The following AUH variants were observed in gnomAD, a reference collection of about 807,000 sequenced individuals.
AUH encodes the protein methylglutaconyl-CoA hydratase, mitochondrial.
In AUH, 29 loss-of-function variants were observed where a neutral mutation model predicts 42.3. The observed-to-expected ratio is 0.69, with a 90% confidence interval of 0.51 to 0.93. AUH has a LOEUF of 0.93. AUH is among the 40% of genes least tolerant of loss of function. The pLI, the probability that AUH is intolerant of heterozygous loss-of-function variation, is 0.00. For synonymous variants in AUH, 174 were observed against 166.4 expected (o/e 1.05, Z -0.35); for missense variants, 452 against 438.1 (o/e 1.03, Z -0.28).
At chr9:91,232,075 A>G (rs1453638063) in intron 6 of AUH, among the ~76,000 whole-genome samples, 2 of 152,208 alleles carry the variant, frequency 1.3e-5, no homozygotes, top group Non-Finnish European at 2.9e-5. Flanking sequence ...TCTTTCTACA[A>G]TGTTTACATA....
At chr9:91,342,768 C>T (rs1168964796) in intron 3 of AUH, 1 of 152,164 alleles carries the variant, frequency 6.6e-6, no homozygotes, top group African/African-American at 2.4e-5. Flanking sequence ...CTCTGACGTG[C>T]TCAAATGAAA....
intron 6 of AUH, among the ~76,000 whole-genome samples, chr9:91,271,552 G>A (rs143775106): frequency 0.012 from 1,821 of 152,320 alleles, 21 homozygotes; most frequent in Admixed American, 0.016. Context: ...AGTAAAAAAT[G>A]TAAGTGAGGA....
chr9:91,281,257 T>C lies in AUH; in HGVS notation c.655+14764A>G, dbSNP rs367626841. The stretch of plus-strand genomic sequence containing the variant: ...GACTGAATAATAATTTCTATTGCTC[T>C]ATCTTCAGATTCACTCACTCTCTCT... On this transcript the variant is annotated intron_variant, in intron 6 of 9. Transcript: ENST00000375731. 1.1e-3 allele frequency among the ~76,000 whole-genome samples: 170 copies of C among 152,372 alleles called. 6 individuals are homozygous for C. The South Asian group carries it at 0.034, about 30-fold the overall frequency.
At chr9:91,295,126 C>A (rs1009140125) in intron 6 of AUH, among the ~76,000 whole-genome samples, 4 of 152,282 alleles carry the variant, frequency 2.6e-5, no homozygotes, top group African/African-American at 9.6e-5. Context: ...TTCATTCTCT[C>A]TGGACTGCCT....
intron 6 of AUH, among the ~76,000 whole-genome samples, chr9:91,249,375 G>A (rs1467151086): frequency 1.3e-5 from 2 of 150,380 alleles, no homozygotes; most frequent in Admixed American, 6.6e-5. Context: ...GGGGGTTTGG[G>A]GAACACTGGA....
chr9:91,316,449 A>G (rs895494420), intron 4 of AUH, among the ~76,000 whole-genome samples: 6 of 152,226 alleles, frequency 3.9e-5, no homozygotes, highest in South Asian at 2.1e-4. Context: ...TTGAAAGACA[A>G]TATCAAATAC....
At chr9:91,324,212 T>C (rs1187170693) in intron 4 of AUH, among the ~76,000 whole-genome samples, 1 of 152,078 alleles carries the variant, frequency 6.6e-6, no homozygotes, top group East Asian at 1.9e-4. Context: ...AATTTACAAA[T>C]GAAGAAAAGG....
At chr9:91,246,712 C>T (rs1352665344) in intron 6 of AUH, among the ~76,000 whole-genome samples, 1 of 152,198 alleles carries the variant, frequency 6.6e-6, no homozygotes, top group Non-Finnish European at 1.5e-5. Context: ...GGTATATGCA[C>T]ACAATGAAGT....
At chr9:91,335,712 T>C (rs1830641802) in intron 3 of AUH, among the ~76,000 whole-genome samples, 2 of 152,256 alleles carry the variant, frequency 1.3e-5, no homozygotes, top group Non-Finnish European at 2.9e-5. Flanking sequence ...TAGCATTTAG[T>C]TCTGAATGCT....
intron 7 of AUH, among the ~76,000 whole-genome samples, chr9:91,219,974 T>C (rs1827039393): frequency 6.6e-6 from 1 of 152,208 alleles, no homozygotes; most frequent in Admixed American, 6.5e-5. Context: ...AAAAATTATT[T>C]TGACTCTAGA....
chr9:91,287,571 G>A (rs1351266280), intron 6 of AUH, among the ~76,000 whole-genome samples: 2 of 152,080 alleles, frequency 1.3e-5, no homozygotes, highest in Non-Finnish European at 2.9e-5. Context: ...ACATAAGAGT[G>A]ATTTATACTA....
chr9:91,338,491 C>A (rs1023677076), intron 3 of AUH, among the ~76,000 whole-genome samples: 1 of 152,146 alleles, frequency 6.6e-6, no homozygotes, highest in Non-Finnish European at 1.5e-5. Flanking sequence ...AGCGCAATGG[C>A]GCGATCTCGG....
chr9:91,252,973 C>A (rs1393950337), intron 6 of AUH, among the ~76,000 whole-genome samples: 1 of 152,128 alleles, frequency 6.6e-6, no homozygotes, highest in African/African-American at 2.4e-5. Context: ...ATACATCCAA[C>A]ATATGGTTTA....
intron 6 of AUH, among the ~76,000 whole-genome samples, chr9:91,275,580 C>T (rs1247074977): frequency 6.6e-6 from 1 of 152,168 alleles, no homozygotes; most frequent in Non-Finnish European, 1.5e-5. Context: ...AACCACTTGA[C>T]AGAGTGAATC....
intron 6 of AUH, among the ~76,000 whole-genome samples, chr9:91,282,327 C>T (rs1194561664): frequency 6.6e-6 from 1 of 152,120 alleles, no homozygotes; most frequent in Non-Finnish European, 1.5e-5. Flanking sequence ...CCTTGGACCC[C>T]TTCCCCTATT....
At chr9:91,328,915 C>T (rs968046628) in intron 3 of AUH, among the ~76,000 whole-genome samples, 7 of 152,280 alleles carry the variant, frequency 4.6e-5, no homozygotes, top group East Asian at 1.9e-4. Flanking sequence ...CTCTCATGCC[C>T]ATATGCAGTT....
chr9:91,225,511 G>A (rs1827392630), intron 6 of AUH, among the ~76,000 whole-genome samples: 1 of 152,004 alleles, frequency 6.6e-6, no homozygotes, highest in South Asian at 2.1e-4. Flanking sequence ...TTAGGCATCT[G>A]AATTCAGGAT....
chr9:91,215,065 T>C (rs1826742954), intron 9 of AUH, among the ~76,000 whole-genome samples: 1 of 152,182 alleles, frequency 6.6e-6, no homozygotes, highest in Non-Finnish European at 1.5e-5. Flanking sequence ...GATTTATATA[T>C]ACAAGCTGGG....
chr9:91,220,255 G>T (rs1445209432), intron 7 of AUH, among the ~76,000 whole-genome samples: 1 of 152,196 alleles, frequency 6.6e-6, no homozygotes, highest in Non-Finnish European at 1.5e-5. Flanking sequence ...GAAGCACAAT[G>T]GAGTCAAAAC....
Sources: gnomAD v4.1 joint callset for allele counts (sites outside exome capture counted in the v4.1 genomes callset) on GRCh38, gnomAD v4.1.1 for gene constraint, MANE v1.5 for transcripts, NCBI Gene and HGNC (gene_info 2026-07-23, HGNC 2026-07-21) for gene names.